Variants in MYO7B observed in about 807,000 individuals in gnomAD.
The protein encoded by MYO7B is unconventional myosin-VIIb.
MYO7B carries 212 observed loss-of-function variants against 259.7 expected under a neutral mutation model. That is an observed-to-expected ratio of 0.82 (90% CI 0.73 to 0.91). MYO7B has a LOEUF of 0.91. Ranked by LOEUF, MYO7B falls within the 40% of genes least tolerant of loss-of-function variation. MYO7B has a pLI of 0.00. For synonymous variants in MYO7B, 1,197 were observed against 1,166.4 expected, an observed-to-expected ratio of 1.03 and a Z score of -0.54; for missense variants, 2,732 against 2,813.5, an observed-to-expected ratio of 0.97 and a Z score of 0.66.
chr2:127,613,313 G>A lies in MYO7B; in HGVS notation c.3398+710G>A, dbSNP rs1680458467. On this transcript the variant is annotated intron_variant, in intron 26 of 47. Coordinates refer to ENST00000409816, the MANE Select transcript of MYO7B (RefSeq NM_001393586.1). The surrounding 1 kb of genome is among the most constrained non-coding windows in gnomAD (Gnocchi z 4.3). ...TAGATTGGATAGTTTCTATTGACCT[G>A]TCTTCAAATTTACTGATCTTTTGTC... 6.6e-6 allele frequency among the ~76,000 whole-genome samples: 1 copy of A among 151,996 alleles called. No homozygotes were observed. Among genetic ancestry groups the A allele is most frequent in the African/African-American group, 2.4e-5 (1 of 41,358 alleles).
chr2:127,591,883 T>C (rs1679572667), intron 16 of MYO7B, among the ~76,000 whole-genome samples: 1 of 152,208 alleles, frequency 6.6e-6, no homozygotes, highest in African/African-American at 2.4e-5. Context: ...CTCAGCTCCC[T>C]GGGGCCAAAG....
rs79870779 is a variant in MYO7B, at chr2:127,607,588, A to G, written c.2643+164A>G. Among the ~76,000 whole-genome samples, 180 of 152,242 alleles carry G rather than the reference A, an allele frequency of 1.2e-3. 5 individuals carry two copies. In the East Asian group the frequency reaches 0.031, roughly 26 times the overall value. On this transcript the variant is annotated intron_variant, in intron 21 of 47. Transcript: ENST00000409816. This position sits in a 1 kb window ranked among gnomAD's most constrained non-coding sequence, Gnocchi z 4.4. ...ACGTTAAAATCTGTTCAATTACTCA[A>G]GAGCACAGCAAGGATACAGGACACA...
At chr2:127,561,770 G>A (rs1225569062) in intron 2 of MYO7B, among the ~76,000 whole-genome samples, 2 of 152,154 alleles carry the variant, frequency 1.3e-5, no homozygotes, top group Non-Finnish European at 2.9e-5. Flanking sequence ...GAACCCAGCC[G>A]GACTGTCTGA....
chr2:127,584,879 C>G lies in MYO7B; in HGVS notation c.1656C>G (p.Ala552=), dbSNP rs1342023765. 20 of 1,613,916 alleles carry G rather than the reference C, an allele frequency of 1.2e-5. No individual in the cohort carries two copies. Among genetic ancestry groups the G allele is most frequent in the Non-Finnish European group, 1.7e-5 (20 of 1,179,870 alleles). The change falls in exon 14 of 48, where the codon GCC becomes GCG. Residue 552 remains alanine, a synonymous_variant. Transcript: ENST00000409816. The surrounding 1 kb of genome is among the most constrained non-coding windows in gnomAD (Gnocchi z 5.8). ...TCCACGATGCCAGATTTGGCATTGC[C>G]CATTTTGCCGGCGAGGTGTACTACC... ...KNIHDARFGI[A]HFAGEVYYQA... is the part of the protein sequence containing the mutation.
At chr2:127,617,647 C>T (rs1479862405) in intron 26 of MYO7B, among the ~76,000 whole-genome samples, 3 of 150,182 alleles carry the variant, frequency 2.0e-5, no homozygotes, top group East Asian at 3.9e-4. Context: ...GGACTACAGG[C>T]GCCCGCCACC....
rs1215250111 is a variant in MYO7B at position 127,635,707 on chromosome 2, G to A, written c.5821-15G>A. On this transcript the variant is annotated splice_polypyrimidine_tract_variant and intron_variant, in intron 43 of 47. Transcript: ENST00000409816. The stretch of plus-strand genomic sequence containing the variant: ...CAGCTGGAGACCCAGCATGCCCAGT[G>A]TGTCCATCACCCAGGAGCTGCCCAA... The A allele has an allele frequency of 1.3e-6, 2 of 1,591,364 alleles. No homozygotes were observed. Among genetic ancestry groups the A allele is most frequent in the Non-Finnish European group, 1.7e-6 (2 of 1,168,910 alleles).
In MYO7B at chr2:127,584,043, G is replaced by A; in HGVS notation, c.1344-79G>A. ...ATGCAGCTGTTTGCAGATGGCTGGT[G>A]ATCCTATGGCTCCAGCCTGCTGCAG... On this transcript the variant is annotated intron_variant, in intron 12 of 47. Transcript: ENST00000409816. The surrounding 1 kb of genome is among the most constrained non-coding windows in gnomAD (Gnocchi z 5.8). 1 of 1,356,896 alleles carries A rather than the reference G, an allele frequency of 7.4e-7. No homozygotes were observed. The allele number at this position is 1,356,896 out of a possible 1,614,324, so 84.1% of individuals were successfully genotyped here. A position where few individuals can be genotyped will look rare whatever the true frequency, so the allele number is the denominator to read the frequency against.
chr2:127,634,478 C>A, intron 41 of MYO7B, 118 bp from the exon 42 acceptor site: 1 of 964,786 alleles, frequency 1.0e-6, no homozygotes, highest in Non-Finnish European at 1.6e-6. Context: ...AGCCCACGCA[C>A]AGCCGACTCC....
intron 15 of MYO7B, 108 bp downstream of exon 15, chr2:127,588,663 G>C: frequency 3.7e-6 from 5 of 1,353,356 alleles, no homozygotes; most frequent in Non-Finnish European, 5.1e-6. Flanking sequence ...ACAGCATGCA[G>C]TTGGCACTTG....
chr2:127,623,158 A>G lies in MYO7B; in HGVS notation c.3646-44A>G, dbSNP rs373639182. On this transcript the variant is annotated intron_variant, in intron 28 of 47. Transcript: ENST00000409816. ...TGGATGGGGGGTTGGCCTCCTGTCC[A>G]TAGGTTCCAAGAGGCCAGGGAACTG... 5 of 1,606,858 alleles carry G rather than the reference A, an allele frequency of 3.1e-6. No homozygotes were observed. In the African/African-American group the frequency reaches 4.0e-5, roughly 13 times the overall value.
intron 27 of MYO7B, 125 bp from the exon 28 acceptor site, chr2:127,621,857 G>T (rs1680853754): frequency 1.5e-6 from 2 of 1,368,318 alleles, no homozygotes; most frequent in Non-Finnish European, 2.0e-6. Flanking sequence ...TCTAACGGGT[G>T]TGAGGGTGCC....
At chr2:127,573,031 G>C (rs1468937162) in intron 6 of MYO7B, among the ~76,000 whole-genome samples, 1 of 152,068 alleles carries the variant, frequency 6.6e-6, no homozygotes, top group African/African-American at 2.4e-5. Context: ...AAGTTAAACA[G>C]GTTTCGTAAT....
intron 7 of MYO7B, among the ~76,000 whole-genome samples, chr2:127,574,776 CA>C (rs1191375909): frequency 6.6e-6 from 1 of 152,180 alleles, no homozygotes; most frequent in African/African-American, 2.4e-5. Flanking sequence ...GCCCTGTGCT[CA>C]GGGGGCCCCA....
At chr2:127,632,840 T>C (rs1681594060) in intron 39 of MYO7B, among the ~76,000 whole-genome samples, 2 of 152,036 alleles carry the variant, frequency 1.3e-5, no homozygotes, top group Non-Finnish European at 2.9e-5. Flanking sequence ...CCTGTGGCCG[T>C]GAGGAGGGCA....
At chr2:127,544,642 G>T (rs1027889683) in intron 1 of MYO7B, among the ~76,000 whole-genome samples, 1 of 147,676 alleles carries the variant, frequency 6.8e-6, no homozygotes, top group Admixed American at 6.9e-5. Flanking sequence ...GTGCAGTGGC[G>T]CTATCTCGGC....
At position 127,576,102 on chromosome 2, in the gene MYO7B, G is replaced by T. The variant is rs989069637; in HGVS notation, c.736-493G>T. ...TGATCTTAGCTACTTGGTAGGCTGA[G>T]GTGGGAGGATGGCTTGAATCCAGGA... On this transcript the variant is annotated intron_variant, in intron 7 of 47. Coordinates refer to ENST00000409816, the MANE Select transcript of MYO7B (RefSeq NM_001393586.1). The surrounding 1 kb of genome is among the most constrained non-coding windows in gnomAD (Gnocchi z 4.9). 2.6e-5 allele frequency among the ~76,000 whole-genome samples: 4 copies of T among 152,136 alleles called. No individual in the cohort carries two copies. Among genetic ancestry groups the T allele is most frequent in the Non-Finnish European group, 5.9e-5 (4 of 68,018 alleles).
At chr2:127,574,161 A>G (rs1439747586) in intron 7 of MYO7B, 99 bp downstream of exon 7, 2 of 1,485,924 alleles carry the variant, frequency 1.3e-6, no homozygotes, top group Admixed American at 1.8e-5. Flanking sequence ...CTCTTCCCCA[A>G]GGGCCCTCCC....
chr2:127,602,656 A>G (rs945529268), intron 19 of MYO7B, among the ~76,000 whole-genome samples: 2 of 147,008 alleles, frequency 1.4e-5, no homozygotes, highest in African/African-American at 2.7e-5. Flanking sequence ...TCTCCAAAAA[A>G]GAAAACAAAG....
chr2:127,617,915 T>A (rs1680644650), intron 26 of MYO7B, among the ~76,000 whole-genome samples: 1 of 151,912 alleles, frequency 6.6e-6, no homozygotes, highest in Non-Finnish European at 1.5e-5. Flanking sequence ...GACCCTATTG[T>A]CCCTATCTGT....
Sources: gnomAD v4.1 joint callset for allele counts (sites outside exome capture counted in the v4.1 genomes callset) on GRCh38, gnomAD v4.1.1 for gene constraint, Gnocchi (gnomAD v3.1) non-coding constraint, MANE v1.5 for transcripts, NCBI Gene and HGNC (gene_info 2026-07-23, HGNC 2026-07-21) for gene names.